The following LANCL2 variants were observed in gnomAD, a reference collection of about 807,000 sequenced individuals.
LANCL2 encodes the protein lanC-like protein 2.
Under a neutral mutation model 56.9 loss-of-function variants are expected in LANCL2, and 33 were observed. The ratio of observed to expected loss-of-function variants is 0.58; its 90% CI spans 0.44 to 0.78. LANCL2 has a LOEUF of 0.78. Ranked by LOEUF, LANCL2 falls within the 30% of genes least tolerant of loss-of-function variation. The pLI is 0.00. For missense variants in LANCL2, 562 were observed against 580.2 expected (o/e 0.97, Z 0.32); for synonymous variants, 233 against 228.2 (o/e 1.02, Z -0.19).
chr7:55,386,819 GAA>G (rs937910184), intron 1 of LANCL2, among the ~76,000 whole-genome samples: 1 of 152,182 alleles, frequency 6.6e-6, no homozygotes, highest in Non-Finnish European at 1.5e-5. Context: ...AGTTGGTTGA[GAA>G]GTTACGTGGG....
intron 1 of LANCL2, among the ~76,000 whole-genome samples, chr7:55,380,882 T>G (rs1296973695): frequency 1.4e-4 from 21 of 151,592 alleles, no homozygotes; most frequent in African/African-American, 5.1e-4. Context: ...TTTTTTTTTT[T>G]TTTTTGAGAT....
chr7:55,404,611 CT>C (rs1001055697), intron 5 of LANCL2, among the ~76,000 whole-genome samples: 4 of 150,578 alleles, frequency 2.7e-5, no homozygotes, highest in African/African-American at 7.3e-5. Context: ...AATTTTCTTT[CT>C]TTTTTTTTCT....
At chr7:55,412,330 A>G (rs879487158) in intron 6 of LANCL2, among the ~76,000 whole-genome samples, 2 of 152,252 alleles carry the variant, frequency 1.3e-5, no homozygotes, top group African/African-American at 2.4e-5. Flanking sequence ...CATGTGTAAA[A>G]GAAAACCTAG....
At chr7:55,415,389 G>A (rs1451082859) in intron 6 of LANCL2, among the ~76,000 whole-genome samples, 1 of 152,144 alleles carries the variant, frequency 6.6e-6, no homozygotes, top group African/African-American at 2.4e-5. Flanking sequence ...AGTGCCCCCT[G>A]GTGGCCAACT....
chr7:55,383,979 ACT>A (rs1368339328), intron 1 of LANCL2, among the ~76,000 whole-genome samples: 2 of 152,246 alleles, frequency 1.3e-5, no homozygotes, highest in Non-Finnish European at 2.9e-5. Flanking sequence ...TGATTTTTTC[ACT>A]GTTATAATTT....
chr7:55,414,268 A>G (rs1355135351), intron 6 of LANCL2, among the ~76,000 whole-genome samples: 2 of 152,166 alleles, frequency 1.3e-5, no homozygotes, highest in Non-Finnish European at 2.9e-5. Context: ...GTGTTTGACC[A>G]AGGCAGGGGG....
At chr7:55,372,820 A>G (rs1010996252) in intron 1 of LANCL2, among the ~76,000 whole-genome samples, 7 of 151,984 alleles carry the variant, frequency 4.6e-5, no homozygotes, top group African/African-American at 1.7e-4. Context: ...TTTTTTTCCT[A>G]AGGAAAATAT....
intron 5 of LANCL2, among the ~76,000 whole-genome samples, chr7:55,405,624 G>A (rs1790397167): frequency 6.6e-6 from 1 of 151,082 alleles, no homozygotes; most frequent in Non-Finnish European, 1.5e-5. Context: ...AGTGTGCTGG[G>A]ATTACAGGCG....
intron 1 of LANCL2, among the ~76,000 whole-genome samples, chr7:55,391,166 G>A (rs942328512): frequency 6.6e-6 from 1 of 150,458 alleles, no homozygotes; most frequent in African/African-American, 2.4e-5. Flanking sequence ...ACAGGCGCCC[G>A]CCACCACGCC....
chr7:55,423,163 A>G (rs762434692), intron 6 of LANCL2, among the ~76,000 whole-genome samples: 3 of 152,198 alleles, frequency 2.0e-5, no homozygotes, highest in South Asian at 2.1e-4. Context: ...GCTTTTTTCT[A>G]TAGTTCTGAA....
chr7:55,413,962 CATAA>C (rs1790498766), intron 6 of LANCL2, among the ~76,000 whole-genome samples: 1 of 151,988 alleles, frequency 6.6e-6, no homozygotes, highest in South Asian at 2.1e-4. Context: ...ATGTTCCCAG[CATAA>C]ATAAATGATA....
At chr7:55,370,836 G>A (rs1054395342) in intron 1 of LANCL2, among the ~76,000 whole-genome samples, 3 of 152,294 alleles carry the variant, frequency 2.0e-5, no homozygotes, top group Admixed American at 6.5e-5. Context: ...TATTGAGGCC[G>A]AAGACAGTGA....
intron 1 of LANCL2, among the ~76,000 whole-genome samples, chr7:55,387,526 C>T (rs1347884554): frequency 1.3e-5 from 2 of 150,670 alleles, no homozygotes; most frequent in African/African-American, 4.9e-5. Context: ...ATATATGCTT[C>T]TGAGTTTTTT....
intron 1 of LANCL2, among the ~76,000 whole-genome samples, chr7:55,384,812 A>C (rs1420128536): frequency 2.0e-5 from 3 of 152,160 alleles, no homozygotes; most frequent in Non-Finnish European, 4.4e-5. Flanking sequence ...TTTTCAGTGA[A>C]AATATCCTTC....
chr7:55,394,309 T>C (rs815932), intron 2 of LANCL2, among the ~76,000 whole-genome samples: 152,326 of 152,326 alleles, frequency 1, 76,163 homozygotes, highest in Non-Finnish European at 1. Context: ...CAGTGGCTCA[T>C]ACCTGTAATC....
intron 1 of LANCL2, among the ~76,000 whole-genome samples, chr7:55,378,477 TG>T (rs1790027810): frequency 6.6e-6 from 1 of 151,628 alleles, no homozygotes; most frequent in African/African-American, 2.4e-5. Flanking sequence ...AAGGAAAAAG[TG>T]TGTGTGCGTA....
At chr7:55,414,745 C>G (rs1436203929) in intron 6 of LANCL2, among the ~76,000 whole-genome samples, 1 of 151,816 alleles carries the variant, frequency 6.6e-6, no homozygotes, top group Admixed American at 6.6e-5. Flanking sequence ...TTTGGGAGGC[C>G]AAGGCAGGAG....
chr7:55,388,633 ACTTTC>A (rs1790152201), intron 1 of LANCL2, among the ~76,000 whole-genome samples: 1 of 152,294 alleles, frequency 6.6e-6, no homozygotes, highest in South Asian at 2.1e-4. Context: ...TCCCTTTACT[ACTTTC>A]CTTTATCCTT....
intron 1 of LANCL2, among the ~76,000 whole-genome samples, chr7:55,381,160 C>CT (rs1447305543): frequency 6.6e-6 from 1 of 152,026 alleles, no homozygotes; most frequent in African/African-American, 2.4e-5. Flanking sequence ...CATGAGCCAC[C>CT]ATATCTGGGC....
Sources: gnomAD v4.1 joint callset for allele counts (sites outside exome capture counted in the v4.1 genomes callset) on GRCh38, gnomAD v4.1.1 for gene constraint, MANE v1.5 for transcripts, NCBI Gene and HGNC (gene_info 2026-07-23, HGNC 2026-07-21) for gene names.